Variants in ARHGAP15 observed in about 807,000 individuals in gnomAD.
The protein encoded by ARHGAP15 is Rho GTPase activating protein 15.
In ARHGAP15, 51 loss-of-function variants were observed where a neutral mutation model predicts 63.7. That is an observed-to-expected ratio of 0.80 (90% CI 0.64 to 1.01). ARHGAP15 has a LOEUF of 1.01. Ranked by LOEUF, ARHGAP15 falls within the 50% of genes least tolerant of loss-of-function variation. ARHGAP15 has a pLI of 0.00. For synonymous variants in ARHGAP15, 191 were observed against 193.8 expected, an observed-to-expected ratio of 0.99 and a Z score of 0.12; for missense variants, 560 against 564.6, an observed-to-expected ratio of 0.99 and a Z score of 0.08.
Position 143,316,161 on chromosome 2 carries a change from G to A in ARHGAP15, c.474+65561G>A, listed in dbSNP as rs1189517747. ...TTTTTAATTCAAATTGTTCCAGACGGGGCATTATTTAAGAAAATCAGACTT... is the reference window on the plus strand; with the variant it reads ...TTTTTAATTCAAATTGTTCCAGACGAGGCATTATTTAAGAAAATCAGACTT... On this transcript the variant is annotated intron_variant, in intron 6 of 13. Coordinates refer to ENST00000295095, the MANE Select transcript of ARHGAP15 (RefSeq NM_018460.4). Among the ~76,000 whole-genome samples, 3 of 151,958 alleles carry A rather than the reference G, an allele frequency of 2.0e-5. No individual in the cohort carries two copies. The South Asian group carries it at 6.2e-4, about 32-fold the overall frequency.
At chr2:143,697,364 A>G (rs890863057) in intron 12 of ARHGAP15, among the ~76,000 whole-genome samples, 6 of 152,196 alleles carry the variant, frequency 3.9e-5, no homozygotes, top group Admixed American at 2.6e-4. Context: ...CAGGGGACTT[A>G]CTTAAATGAT....
Position 143,501,860 on chromosome 2 carries a change from G to A in ARHGAP15, c.826+14365G>A, listed in dbSNP as rs538253124. 5.3e-5 allele frequency among the ~76,000 whole-genome samples: 8 copies of A among 152,292 alleles called. No individual in the cohort carries two copies. In the East Asian group the frequency reaches 1.2e-3, roughly 22 times the overall value. ...AATGTGACTACACAGTGTAGCAGCC[G>A]ACTGGACTTTTCCATAGGAGAGGTC... On this transcript the variant is annotated intron_variant, in intron 9 of 13. Transcript: ENST00000295095.
chr2:143,767,697 T>G (rs757651309), intron 13 of ARHGAP15, among the ~76,000 whole-genome samples: 11 of 152,162 alleles, frequency 7.2e-5, no homozygotes, highest in Non-Finnish European at 1.3e-4. Flanking sequence ...TGAATCTTAT[T>G]AATTTCACAG....
intron 8 of ARHGAP15, among the ~76,000 whole-genome samples, chr2:143,454,982 G>C (rs1287627727): frequency 1.3e-5 from 2 of 152,002 alleles, no homozygotes; most frequent in African/African-American, 4.8e-5. Context: ...TTAACAAAGA[G>C]AGTTTGTTAC....
chr2:143,229,940 A>G (rs1693374319), intron 5 of ARHGAP15, among the ~76,000 whole-genome samples: 1 of 152,218 alleles, frequency 6.6e-6, no homozygotes, highest in Non-Finnish European at 1.5e-5. Context: ...AATTAAAAAT[A>G]TATCTCAGTC....
chr2:143,286,673 A>G (rs1682119943), intron 6 of ARHGAP15, among the ~76,000 whole-genome samples: 1 of 152,232 alleles, frequency 6.6e-6, no homozygotes, highest in Non-Finnish European at 1.5e-5. Context: ...TACAGGAATC[A>G]AAGGATTTAG....
intron 8 of ARHGAP15, among the ~76,000 whole-genome samples, chr2:143,466,111 C>T (rs1479652153): frequency 6.6e-6 from 1 of 151,760 alleles, no homozygotes; most frequent in Non-Finnish European, 1.5e-5. Context: ...GCAGGGTGAG[C>T]TCGGGTCCCA....
chr2:143,216,584 C>T (rs1692766068), intron 4 of ARHGAP15, 139 bp downstream of exon 4: 2 of 595,020 alleles, frequency 3.4e-6, no homozygotes, highest in South Asian at 2.4e-5. Flanking sequence ...CTATGATCAA[C>T]ATTATTTTTA....
chr2:143,731,738 A>T (rs1685546631), intron 13 of ARHGAP15, among the ~76,000 whole-genome samples: 1 of 152,192 alleles, frequency 6.6e-6, no homozygotes, highest in Non-Finnish European at 1.5e-5. Flanking sequence ...TATGCTTATT[A>T]TTTTTTGATT....
chr2:143,710,894 A>G (rs1684550666), intron 13 of ARHGAP15, among the ~76,000 whole-genome samples: 1 of 152,234 alleles, frequency 6.6e-6, no homozygotes, highest in South Asian at 2.1e-4. Flanking sequence ...AATTAAGTCA[A>G]ATAAATTCAT....
At position 143,525,217 on chromosome 2, in the gene ARHGAP15, C is replaced by T. The variant is rs1188672284; in HGVS notation, c.925+5853C>T. ...TTCCATGAAGAATGTGCAATTTGTA[C>T]TGTTAAGTTTGTGATGAGATTCTTG... On this transcript the variant is annotated intron_variant, in intron 10 of 13. Transcript: ENST00000295095. 3.9e-5 allele frequency among the ~76,000 whole-genome samples: 6 copies of T among 152,168 alleles called. No homozygotes were observed. In the South Asian group the frequency reaches 6.2e-4, roughly 16 times the overall value.
intron 3 of ARHGAP15, among the ~76,000 whole-genome samples, chr2:143,209,286 T>C (rs900559519): frequency 1.3e-5 from 2 of 152,132 alleles, no homozygotes; most frequent in African/African-American, 4.8e-5. Context: ...TAATAAGTTA[T>C]GTAACAATAA....
intron 13 of ARHGAP15, among the ~76,000 whole-genome samples, chr2:143,716,170 C>T (rs553569824): frequency 6.6e-6 from 1 of 152,184 alleles, no homozygotes; most frequent in South Asian, 2.1e-4. Flanking sequence ...TACTCCTGAA[C>T]TTAAAGGCTG....
chr2:143,392,320 C>T (rs1454738432), intron 6 of ARHGAP15, among the ~76,000 whole-genome samples: 1 of 152,112 alleles, frequency 6.6e-6, no homozygotes. Flanking sequence ...GAAATATTAT[C>T]CTGCCAAGTC....
chr2:143,559,167 C>T (rs1481518206), intron 11 of ARHGAP15, among the ~76,000 whole-genome samples: 1 of 152,020 alleles, frequency 6.6e-6, no homozygotes, highest in Non-Finnish European at 1.5e-5. Context: ...ATTTCTTCTA[C>T]AAAGAAGAAA....
intron 9 of ARHGAP15, among the ~76,000 whole-genome samples, chr2:143,515,412 A>G (rs1362030387): frequency 1.3e-5 from 2 of 152,200 alleles, no homozygotes; most frequent in African/African-American, 4.8e-5. Flanking sequence ...CAGAAGTGTC[A>G]TCAGGGTCTC....
intron 8 of ARHGAP15, among the ~76,000 whole-genome samples, chr2:143,457,527 G>T (rs1030697708): frequency 4.7e-5 from 7 of 149,230 alleles, no homozygotes; most frequent in African/African-American, 1.2e-4. Flanking sequence ...ACCCTGTGTT[G>T]TTTTTTTTTA....
intron 12 of ARHGAP15, among the ~76,000 whole-genome samples, chr2:143,674,313 A>G (rs778450293): frequency 1.1e-4 from 17 of 152,192 alleles, no homozygotes; most frequent in East Asian, 3.9e-4. Context: ...AACTGCCTCT[A>G]TTGACTACAA....
chr2:143,527,191 C>T (rs892408007), intron 10 of ARHGAP15, among the ~76,000 whole-genome samples: 10 of 152,092 alleles, frequency 6.6e-5, no homozygotes, highest in African/African-American at 2.4e-4. Flanking sequence ...TTAGTCTACA[C>T]ATATATGGTA....
Sources: allele counts gnomAD v4.1 joint callset (sites outside exome capture counted in the v4.1 genomes callset), GRCh38; gene constraint gnomAD v4.1.1; transcripts MANE v1.5; gene names NCBI Gene and HGNC (gene_info 2026-07-23, HGNC 2026-07-21).